The following DCC variants were observed in gnomAD, a reference collection of about 807,000 sequenced individuals.
The protein encoded by DCC is DCC netrin 1 receptor, also known as netrin receptor DCC.
DCC carries 58 observed loss-of-function variants against 172.5 expected under a neutral mutation model. The ratio of observed to expected loss-of-function variants is 0.34; its 90% CI spans 0.27 to 0.42. The LOEUF (loss-of-function observed/expected upper bound fraction) is 0.42. DCC is among the 10% of genes least tolerant of loss of function. DCC has a pLI of 1.00. For synonymous variants in DCC, 709 were observed against 644.5 expected (o/e 1.10, Z -1.52); for missense variants, 1,740 against 1,791.0 (o/e 0.97, Z 0.51).
At chr18:53,436,381 C>G (rs971106936) in intron 22 of DCC, among the ~76,000 whole-genome samples, 3 of 152,096 alleles carry the variant, frequency 2.0e-5, no homozygotes, top group Admixed American at 2.0e-4. Flanking sequence ...AACTTGATTA[C>G]TGAACTGATA....
At chr18:52,994,541 T>A (rs557306320) in intron 5 of DCC, among the ~76,000 whole-genome samples, 1 of 152,310 alleles carries the variant, frequency 6.6e-6, no homozygotes, top group East Asian at 1.9e-4. Flanking sequence ...CAGTGTGTTA[T>A]GTAAACATGG....
intron 15 of DCC, among the ~76,000 whole-genome samples, chr18:53,383,654 G>T (rs570343239): frequency 3.3e-5 from 5 of 151,584 alleles, no homozygotes; most frequent in Admixed American, 1.3e-4. Context: ...ATTAGGGATG[G>T]TTATTGCTAC....
At chr18:52,676,506 T>G (rs989401985) in intron 1 of DCC, among the ~76,000 whole-genome samples, 7 of 152,214 alleles carry the variant, frequency 4.6e-5, no homozygotes, top group African/African-American at 7.2e-5. Context: ...TCTCAGAAAT[T>G]TTTACAAACA....
chr18:53,372,096 G>T (rs2058064560), intron 15 of DCC, among the ~76,000 whole-genome samples: 2 of 152,084 alleles, frequency 1.3e-5, no homozygotes, highest in African/African-American at 4.8e-5. Context: ...ATTTGACTGA[G>T]CAATCCTATT....
At chr18:53,326,483 T>C (rs927960468) in intron 14 of DCC, among the ~76,000 whole-genome samples, 14 of 152,226 alleles carry the variant, frequency 9.2e-5, no homozygotes, top group Non-Finnish European at 1.6e-4. Flanking sequence ...GGTTTTCTTC[T>C]TTTGATTGCA....
chr18:53,232,834 C>T lies in DCC; in HGVS notation c.1911+17237C>T, dbSNP rs1463323015. On this transcript the variant is annotated intron_variant, in intron 12 of 28. Coordinates refer to ENST00000442544, the MANE Select transcript of DCC (RefSeq NM_005215.4). ...AAAAACCTTAAACTTCAAAACCATC[C>T]TATATGACAGCCCCTGTGTTCATCT... Among the ~76,000 whole-genome samples the T allele has an allele frequency of 2.0e-5, 3 of 152,126 alleles. No individual in the cohort carries two copies. In the East Asian group the frequency reaches 5.8e-4, roughly 29 times the overall value.
intron 26 of DCC, among the ~76,000 whole-genome samples, chr18:53,490,112 A>G (rs556443556): frequency 5.3e-5 from 8 of 152,156 alleles, no homozygotes; most frequent in Non-Finnish European, 1.2e-4. Context: ...TATTCATGCT[A>G]TTTTTCTGCC....
intron 5 of DCC, among the ~76,000 whole-genome samples, chr18:52,964,471 AT>A (rs1180241003): frequency 6.6e-6 from 1 of 151,980 alleles, no homozygotes; most frequent in Non-Finnish European, 1.5e-5. Flanking sequence ...TTTAATCTCA[AT>A]TTTTTTTAAA....
At chr18:53,259,278 A>G (rs977061915) in intron 12 of DCC, among the ~76,000 whole-genome samples, 3 of 152,140 alleles carry the variant, frequency 2.0e-5, no homozygotes, top group Admixed American at 6.5e-5. Flanking sequence ...TATTTTGCTC[A>G]TTAGTTGATG....
intron 2 of DCC, among the ~76,000 whole-genome samples, chr18:52,769,151 G>A (rs148559953): frequency 0.014 from 2,156 of 152,298 alleles, 50 homozygotes; most frequent in African/African-American, 0.048. Context: ...TTACATGGCT[G>A]ACAAATTATC....
In DCC at chr18:52,403,700, C is replaced by T. The variant is rs1311224651; in HGVS notation, c.91+62822C>T. ...GGAAGGAGGAGGCAATGCCTTAGTG[C>T]CTTTGTGTGTGTATGTGTGTGTGTG... On this transcript the variant is annotated intron_variant, in intron 1 of 28. Transcript: ENST00000442544. Among the ~76,000 whole-genome samples the T allele has an allele frequency of 6.6e-5, 10 of 151,950 alleles. 1 individual carries two copies. In the South Asian group the frequency reaches 1.9e-3, roughly 28 times the overall value.
At chr18:52,515,606 C>CAAA (rs58112743) in intron 1 of DCC, among the ~76,000 whole-genome samples, 197 of 10,332 alleles carry the variant, frequency 0.019, 50 homozygotes, top group Middle Eastern at 0.12. Flanking sequence ...AACCCTGTCT[C>CAAA]AAAAAAAAAA....
intron 19 of DCC, among the ~76,000 whole-genome samples, chr18:53,405,929 T>A (rs1909626701): frequency 6.6e-6 from 1 of 152,174 alleles, no homozygotes; most frequent in African/African-American, 2.4e-5. Flanking sequence ...TATGTTTTGC[T>A]CCAATTTATT....
intron 5 of DCC, among the ~76,000 whole-genome samples, chr18:53,021,107 G>A (rs780787998): frequency 1.3e-5 from 2 of 151,968 alleles, no homozygotes; most frequent in African/African-American, 2.4e-5. Context: ...ACGGCCTGAG[G>A]GAAAGGGCAC....
intron 2 of DCC, among the ~76,000 whole-genome samples, chr18:52,845,775 T>A (rs756566160): frequency 4.6e-5 from 7 of 152,234 alleles, no homozygotes; most frequent in Non-Finnish European, 7.3e-5. Context: ...CAGGGCACAC[T>A]CAGAAACTGA....
At chr18:52,379,680 C>T (rs1985503250) in intron 1 of DCC, among the ~76,000 whole-genome samples, 1 of 151,308 alleles carries the variant, frequency 6.6e-6, no homozygotes, top group Non-Finnish European at 1.5e-5. Flanking sequence ...AGCACTTAAC[C>T]AAAAGTTGAG....
At chr18:52,858,452 T>C (rs2039086654) in intron 2 of DCC, among the ~76,000 whole-genome samples, 1 of 152,148 alleles carries the variant, frequency 6.6e-6, no homozygotes, top group Admixed American at 6.5e-5. Context: ...ATGTGTCTAC[T>C]TGGTTGTGGG....
intron 19 of DCC, among the ~76,000 whole-genome samples, chr18:53,408,964 C>G (rs775908972): frequency 2.6e-5 from 4 of 152,108 alleles, no homozygotes; most frequent in African/African-American, 9.7e-5. Context: ...CTATAAGGCA[C>G]TATGGGATTA....
chr18:52,413,438 TTCTA>T (rs74178667), intron 1 of DCC, among the ~76,000 whole-genome samples: 20,391 of 151,532 alleles, frequency 0.13, 1,480 homozygotes, highest in Non-Finnish European at 0.16. Context: ...TATCTAATCT[TTCTA>T]TCTTTCTATG....
Sources: gnomAD v4.1 joint callset for allele counts (sites outside exome capture counted in the v4.1 genomes callset) on GRCh38, gnomAD v4.1.1 for gene constraint, MANE v1.5 for transcripts, NCBI Gene and HGNC (gene_info 2026-07-23, HGNC 2026-07-21) for gene names.